Variants in UPP2 observed in about 807,000 individuals in gnomAD.
UPP2 encodes the protein UPase 2.
Under a neutral mutation model 26.7 loss-of-function variants are expected in UPP2, and 23 were observed. The observed-to-expected ratio is 0.86, with a 90% confidence interval of 0.62 to 1.22. UPP2 has a LOEUF of 1.22. UPP2 is among the 50% of genes most tolerant of loss of function. The probability of loss-of-function intolerance (pLI) is 0.00; values close to 1 mark genes in which losing one functional copy is unlikely to be tolerated. For synonymous variants in UPP2, 127 were observed against 141.3 expected, an observed-to-expected ratio of 0.90 and a Z score of 0.72; for missense variants, 387 against 396.7, an observed-to-expected ratio of 0.98 and a Z score of 0.21.
At chr2:158,106,784 A>C (rs1383672326) in intron 2 of UPP2, among the ~76,000 whole-genome samples, 3 of 152,198 alleles carry the variant, frequency 2.0e-5, no homozygotes, top group East Asian at 3.8e-4. Context: ...CAATTTGTGT[A>C]CATTATTTAA....
rs748892238 is a variant in UPP2, at chr2:158,054,711, C to G, written c.147+38825C>G. Among the ~76,000 whole-genome samples, 117 of 152,200 alleles carry G rather than the reference C, an allele frequency of 7.7e-4. 1 individual carries two copies. The highest frequency in any genetic ancestry group is 2.8e-4 in the Non-Finnish European group (19 of 68,042). On this transcript the variant is annotated intron_variant, in intron 3 of 9. Coordinates refer to the UPP2 transcript ENST00000605860. ...TGCTAGTATTTTAATTGGTTCTTCT[C>G]ATCCCCATAAATAGTCAATGACTTC...
chr2:158,129,057 A>T (rs1319097178), intron 6 of UPP2, among the ~76,000 whole-genome samples: 2 of 151,970 alleles, frequency 1.3e-5, no homozygotes, highest in African/African-American at 4.8e-5. Flanking sequence ...CAGTGTCTAT[A>T]GTTTTGTTTG....
At chr2:158,059,214 A>G (rs148944094) in intron 3 of UPP2, among the ~76,000 whole-genome samples, 2 of 152,368 alleles carry the variant, frequency 1.3e-5, no homozygotes, top group African/African-American at 4.8e-5. Context: ...AAGTCCAAGC[A>G]TGATGGGAAA....
At chr2:158,128,210 T>C (rs546128210) in intron 6 of UPP2, among the ~76,000 whole-genome samples, 1 of 152,364 alleles carries the variant, frequency 6.6e-6, no homozygotes, top group South Asian at 2.1e-4. Context: ...AATTCAGTGT[T>C]ATTTCCTTGG....
chr2:158,105,893 G>T (rs1407484195), intron 1 of UPP2, among the ~76,000 whole-genome samples: 1 of 152,212 alleles, frequency 6.6e-6, no homozygotes, highest in Non-Finnish European at 1.5e-5. Flanking sequence ...TAATGCATTT[G>T]TTATATGCAG....
intron 3 of UPP2, among the ~76,000 whole-genome samples, chr2:158,033,167 C>A (rs1055293026): frequency 6.6e-6 from 1 of 152,012 alleles, no homozygotes; most frequent in Non-Finnish European, 1.5e-5. Flanking sequence ...GGGAGGGGGG[C>A]CCCAAAGGTG....
At chr2:158,117,421 G>A (rs1455438010) in intron 3 of UPP2, among the ~76,000 whole-genome samples, 2 of 151,946 alleles carry the variant, frequency 1.3e-5, no homozygotes, top group Non-Finnish European at 2.9e-5. Context: ...AAAGACTGAT[G>A]ATTTGGCAAC....
chr2:158,074,793 C>A (rs1682604243), intron 3 of UPP2, among the ~76,000 whole-genome samples: 1 of 149,886 alleles, frequency 6.7e-6, no homozygotes, highest in Non-Finnish European at 1.5e-5. Context: ...GCAAATGGAC[C>A]AGACTCTCTA....
intron 3 of UPP2, among the ~76,000 whole-genome samples, chr2:158,063,713 C>G (rs1398574948): frequency 1.3e-5 from 2 of 152,126 alleles, no homozygotes; most frequent in Admixed American, 1.3e-4. Flanking sequence ...CCATAACCTA[C>G]ATTGGGTATT....
At chr2:158,015,666 G>A (rs1683646272) in intron 2 of UPP2, 1 of 402,258 alleles carries the variant, frequency 2.5e-6, no homozygotes, top group Admixed American at 2.6e-5. Flanking sequence ...CCTGGCGGGA[G>A]GTGACTGAAT....
At chr2:158,057,013 G>A (rs778849707) in intron 3 of UPP2, among the ~76,000 whole-genome samples, 3 of 152,116 alleles carry the variant, frequency 2.0e-5, no homozygotes, top group Non-Finnish European at 4.4e-5. Flanking sequence ...TGTTTTGTAA[G>A]ATGTCCCGTT....
chr2:158,050,537 C>T (rs1427780718), intron 3 of UPP2, among the ~76,000 whole-genome samples: 2 of 134,104 alleles, frequency 1.5e-5, no homozygotes, highest in Non-Finnish European at 3.3e-5. Flanking sequence ...ATGATATACA[C>T]CTGTAGTCCA....
intron 3 of UPP2, among the ~76,000 whole-genome samples, chr2:158,056,567 G>T (rs890999715): frequency 1.3e-5 from 2 of 152,162 alleles, no homozygotes; most frequent in Admixed American, 1.3e-4. Flanking sequence ...AAACCTGTAG[G>T]AGAGCCCTTC....
intron 6 of UPP2, among the ~76,000 whole-genome samples, chr2:158,130,323 C>T (rs1364115235): frequency 6.6e-6 from 1 of 151,776 alleles, no homozygotes; most frequent in Non-Finnish European, 1.5e-5. Flanking sequence ...TGGTGGTGGG[C>T]ATCTGTAGTC....
intron 3 of UPP2, among the ~76,000 whole-genome samples, chr2:158,046,126 A>C (rs1423049861): frequency 6.6e-6 from 1 of 152,216 alleles, no homozygotes; most frequent in Non-Finnish European, 1.5e-5. Flanking sequence ...ACTAGACTAA[A>C]GCATGTTATT....
intron 3 of UPP2, among the ~76,000 whole-genome samples, chr2:158,023,640 G>A (rs1193038075): frequency 6.6e-6 from 1 of 152,108 alleles, no homozygotes; most frequent in Non-Finnish European, 1.5e-5. Context: ...GGAGCTTTGG[G>A]GTGGGGTGGA....
At chr2:158,003,267 T>A (rs920190042) in intron 2 of UPP2, among the ~76,000 whole-genome samples, 1 of 152,060 alleles carries the variant, frequency 6.6e-6, no homozygotes, top group Non-Finnish European at 1.5e-5. Flanking sequence ...GAGGGTCCGA[T>A]GCAGAGTGCT....
intron 2 of UPP2, among the ~76,000 whole-genome samples, chr2:158,114,232 C>T (rs537261371): frequency 6.6e-6 from 1 of 152,156 alleles, no homozygotes; most frequent in Non-Finnish European, 1.5e-5. Context: ...TTGACTCTTG[C>T]CACCTTGCTG....
chr2:158,128,839 C>T (rs1683746905), intron 6 of UPP2, among the ~76,000 whole-genome samples: 1 of 151,174 alleles, frequency 6.6e-6, no homozygotes, highest in African/African-American at 2.5e-5. Flanking sequence ...AAGGGCTGAG[C>T]ACATACCAAT....
Sources: gnomAD v4.1 joint callset for allele counts (sites outside exome capture counted in the v4.1 genomes callset) on GRCh38, gnomAD v4.1.1 for gene constraint, MANE v1.5 for transcripts, NCBI Gene and HGNC (gene_info 2026-07-23, HGNC 2026-07-21) for gene names.